Variants in UBA3 observed in about 807,000 individuals in gnomAD.
The protein encoded by UBA3 is ubiquitin like modifier activating enzyme 3, also known as NEDD8-activating enzyme E1 catalytic subunit.
In UBA3, 26 loss-of-function variants were observed where a neutral mutation model predicts 73.5. The observed-to-expected ratio is 0.35, with a 90% CI of 0.26 to 0.49. The LOEUF is 0.49. Ranked by LOEUF, UBA3 falls within the 20% of genes least tolerant of loss-of-function variation. The probability of loss-of-function intolerance (pLI) is 0.98; values close to 1 mark genes in which losing one functional copy is unlikely to be tolerated. For missense variants in UBA3, 495 were observed against 555.6 expected (o/e 0.89, Z 1.10); for synonymous variants, 217 against 191.2 (o/e 1.13, Z -1.11).
chr3:69,066,967 C>T (rs954051141), intron 6 of UBA3, among the ~76,000 whole-genome samples: 4 of 152,140 alleles, frequency 2.6e-5, no homozygotes, highest in African/African-American at 4.8e-5. Flanking sequence ...CCTCTGGTAA[C>T]GCCACTGAGT....
At chr3:69,074,473 T>C (rs2092147495) in intron 4 of UBA3, among the ~76,000 whole-genome samples, 1 of 152,242 alleles carries the variant, frequency 6.6e-6, no homozygotes, top group Non-Finnish European at 1.5e-5. Context: ...CAGTGAAGTA[T>C]ATTTAAGTTT....
At position 69,063,469 on chromosome 3, in the gene UBA3, G is replaced by A. The variant is rs764506424; in HGVS notation, c.507C>T (p.Ile169=). The A allele has an allele frequency of 2.6e-6, 4 of 1,512,904 alleles. No individual in the cohort carries two copies. Among genetic ancestry groups the A allele is most frequent in the Non-Finnish European group, 3.6e-6 (4 of 1,118,676 alleles). The allele number at this position is 1,512,904 out of a possible 1,614,324, so 93.7% of individuals were successfully genotyped here. ...TGCCATTTATCCATCTTCTGGCGAT[G>A]ATAGAGTCCAGTCCACATACAATAA... ...FHIIVCGLDS[I]IARRWINGML... Residue 169 remains isoleucine (I), a synonymous_variant, in exon 8 of 18, where the codon ATC becomes ATT. Transcript: ENST00000361055.
chr3:69,055,594 CAA>C, intron 17 of UBA3, 69 bp from the exon 18 acceptor site: 1 of 1,201,044 alleles, frequency 8.3e-7, no homozygotes, highest in Non-Finnish European at 1.2e-6. Context: ...CACATGTAAA[CAA>C]ACTACAGAGT....
rs1329706375 is a variant in UBA3 at position 69,057,274 on chromosome 3, T to C, written c.946A>G (p.Thr316Ala). Residue 316 changes from threonine (T) to alanine (A), a missense_variant, in exon 12 of 18, where the codon ACA (threonine) becomes GCA (alanine). Physicochemically the swap from Thr to Ala is moderately conservative, Grantham distance 58. Coordinates refer to ENST00000361055, the MANE Select transcript of UBA3 (RefSeq NM_003968.4). ...TCCTCACCTGCAATGACTGCATTTG[T>C]GGAAGCTACTGCAGGAATGATTCTT... The part of the protein sequence containing the change: ...VKRIIPAVAS[T>A]NAVIAAVCAT... The C allele has an allele frequency of 3.1e-6, 5 of 1,611,718 alleles. No individual in the cohort carries two copies. Among genetic ancestry groups the C allele is most frequent in the Admixed American group, 1.7e-5 (1 of 59,470 alleles).
intron 11 of UBA3, among the ~76,000 whole-genome samples, chr3:69,061,370 T>C (rs909371532): frequency 2.0e-5 from 3 of 152,198 alleles, no homozygotes; most frequent in Non-Finnish European, 4.4e-5. Flanking sequence ...TAATTTTGTA[T>C]TTTTAGTAGA....
intron 10 of UBA3, 66 bp from the exon 11 acceptor site, chr3:69,061,993 GT>G: frequency 7.1e-7 from 1 of 1,414,422 alleles, no homozygotes; most frequent in Non-Finnish European, 9.8e-7. Context: ...ACAAAACAAT[GT>G]TTTTAATGAA....
At chr3:69,056,751 C>T (rs1384792547) in intron 13 of UBA3, 28 bp downstream of exon 13, 2 of 1,611,874 alleles carry the variant, frequency 1.2e-6, no homozygotes, top group Non-Finnish European at 8.5e-7. Flanking sequence ...CATAAATTTA[C>T]ATGCATATTA....
intron 4 of UBA3, among the ~76,000 whole-genome samples, chr3:69,072,855 CT>C (rs1239664386): frequency 6.6e-6 from 1 of 152,192 alleles, no homozygotes; most frequent in Non-Finnish European, 1.5e-5. Flanking sequence ...GTGCCCGCCC[CT>C]AGAGCAAAAA....
intron 2 of UBA3, among the ~76,000 whole-genome samples, chr3:69,078,416 A>C (rs926025909): frequency 6.6e-6 from 1 of 152,240 alleles, no homozygotes; most frequent in African/African-American, 2.4e-5. Context: ...TAATCTAAAA[A>C]TCACTTTGAT....
At chr3:69,079,978 G>A (rs2092204383) in intron 2 of UBA3, 134 bp downstream of exon 2, 1 of 776,934 alleles carries the variant, frequency 1.3e-6, no homozygotes, top group African/African-American at 1.9e-5. Flanking sequence ...GGGATCAGGG[G>A]ATGAGGCAGC....
In UBA3 at chr3:69,079,054, G is replaced by T. The variant is rs2092195476; in HGVS notation, c.62+1058C>A. On this transcript the variant is annotated intron_variant, in intron 2 of 17. Transcript: ENST00000361055. ...ATCCAATTTTTACAAAAGGGACCAA[G>T]AAGTATTGCCTAGCAATAAAAACCA... is the stretch of plus-strand genomic sequence containing the variant. 1.3e-5 allele frequency among the ~76,000 whole-genome samples: 2 copies of T among 152,172 alleles called. 1 individual carries two copies. Among genetic ancestry groups the T allele is most frequent in the Non-Finnish European group, 2.9e-5 (2 of 68,034 alleles).
In UBA3 at chr3:69,068,022, A is replaced by G. The variant is rs1247744584; in HGVS notation, c.348-14T>C. ...ATATCTTTAGGCCTACAGGAAAAAT[A>G]TTTAAATTATAATTCATATTATAAA... On this transcript the variant is annotated splice_polypyrimidine_tract_variant and intron_variant, in intron 5 of 17. Transcript: ENST00000361055. 1 of 1,493,424 alleles carries G rather than the reference A, an allele frequency of 6.7e-7. No homozygotes were observed. Among genetic ancestry groups the G allele is most frequent in the South Asian group, 1.3e-5 (1 of 76,748 alleles). The allele number at this position is 1,493,424 out of a possible 1,614,324, so 92.5% of individuals were successfully genotyped here.
chr3:69,068,093 A>G, intron 5 of UBA3, 85 bp from the exon 6 acceptor site: 1 of 920,520 alleles, frequency 1.1e-6, no homozygotes, highest in Non-Finnish European at 1.5e-6. Context: ...AAGTAAATTC[A>G]CAGTAAGTTT....
rs112422225 is a variant in UBA3 at position 69,072,444 on chromosome 3, G to A, written c.265-827C>T. ...ACTCCACAGAAACTGTACTTGTCAA[G>A]TTCACCAATAACCTCCGTGTTGCTA... On this transcript the variant is annotated intron_variant, in intron 4 of 17. Transcript: ENST00000361055. Among the ~76,000 whole-genome samples, 147 of 152,304 alleles carry A rather than the reference G, an allele frequency of 9.7e-4. 2 individuals are homozygous for A. Among genetic ancestry groups the A allele is most frequent in the African/African-American group, 3.4e-3 (141 of 41,556 alleles).
At chr3:69,078,141 T>G (rs2092184126) in intron 2 of UBA3, among the ~76,000 whole-genome samples, 1 of 152,226 alleles carries the variant, frequency 6.6e-6, no homozygotes, top group South Asian at 2.1e-4. Context: ...TTTCACCCAA[T>G]GGATGAAATA....
chr3:69,062,739 T>C (rs1287050220), intron 9 of UBA3, among the ~76,000 whole-genome samples: 1 of 152,220 alleles, frequency 6.6e-6, no homozygotes, highest in African/African-American at 2.4e-5. Flanking sequence ...TTCTACTTGA[T>C]ACCTACTCCC....
chr3:69,068,276 C>T (rs1475908301), intron 5 of UBA3, among the ~76,000 whole-genome samples: 1 of 152,090 alleles, frequency 6.6e-6, no homozygotes, highest in African/African-American at 2.4e-5. Context: ...TGTTCTTCCT[C>T]CCAGATAAAG....
chr3:69,077,111 T>G (rs1575849335), intron 3 of UBA3, among the ~76,000 whole-genome samples: 1 of 151,790 alleles, frequency 6.6e-6, no homozygotes, highest in African/African-American at 2.4e-5. Context: ...CTTTTTCTTT[T>G]TTTTTTTTTT....
intron 3 of UBA3, among the ~76,000 whole-genome samples, chr3:69,076,137 C>T (rs1432269534): frequency 2.0e-5 from 3 of 152,118 alleles, no homozygotes; most frequent in Non-Finnish European, 2.9e-5. Flanking sequence ...GGATAGAGAA[C>T]ATCAAATTCA....
Sources: gnomAD v4.1 joint callset for allele counts (sites outside exome capture counted in the v4.1 genomes callset) on GRCh38, gnomAD v4.1.1 for gene constraint, MANE v1.5 for transcripts, NCBI Gene and HGNC (gene_info 2026-07-23, HGNC 2026-07-21) for gene names.